ZEB1: variants seen among roughly 807,000 people sequenced by gnomAD.
The protein encoded by ZEB1 is zinc finger E-box binding homeobox 1.
ZEB1 carries 21 observed loss-of-function variants against 84.9 expected under a neutral mutation model. The ratio of observed to expected loss-of-function variants is 0.25; its 90% CI spans 0.18 to 0.36. The LOEUF is 0.36. ZEB1 is among the 10% of genes least tolerant of loss of function. The probability of loss-of-function intolerance (pLI) is 1.00; values close to 1 mark genes in which losing one functional copy is unlikely to be tolerated. For synonymous variants in ZEB1, 420 were observed against 471.1 expected, an observed-to-expected ratio of 0.89 and a Z score of 1.41; for missense variants, 1,104 against 1,330.2, an observed-to-expected ratio of 0.83 and a Z score of 2.65.
chr10:31,463,116 TG>T (rs2061999296), intron 2 of ZEB1, among the ~76,000 whole-genome samples: 1 of 152,122 alleles, frequency 6.6e-6, no homozygotes, highest in Non-Finnish European at 1.5e-5. Flanking sequence ...TTCTTATCTG[TG>T]GCCTGAATTA....
At chr10:31,337,690 T>G (rs989860713) in intron 1 of ZEB1, among the ~76,000 whole-genome samples, 1 of 144,274 alleles carries the variant, frequency 6.9e-6, no homozygotes, top group Admixed American at 6.8e-5. Flanking sequence ...TCTGTTTTTT[T>G]TTTTTTTTTT....
intron 2 of ZEB1, among the ~76,000 whole-genome samples, chr10:31,472,070 A>C (rs2063341326): frequency 6.6e-6 from 1 of 150,642 alleles, no homozygotes; most frequent in African/African-American, 2.5e-5. Flanking sequence ...CAGTGTGTAG[A>C]GGGAAATTTA....
intron 1 of ZEB1, among the ~76,000 whole-genome samples, chr10:31,432,746 A>G (rs1366252458): frequency 6.6e-6 from 1 of 152,196 alleles, no homozygotes; most frequent in Non-Finnish European, 1.5e-5. Flanking sequence ...ATATTTACTG[A>G]TATTTACAGC....
At chr10:31,332,175 A>T (rs1301855988) in intron 1 of ZEB1, among the ~76,000 whole-genome samples, 1 of 152,204 alleles carries the variant, frequency 6.6e-6, no homozygotes, top group Non-Finnish European at 1.5e-5. Context: ...TGCCACTACC[A>T]CTTCTACCAC....
intron 1 of ZEB1, chr10:31,321,083 G>A (rs1211131854): frequency 1.0e-6 from 1 of 954,182 alleles, no homozygotes; most frequent in East Asian, 1.0e-4. Context: ...TACGTGTTTA[G>A]GAGAAAACTC....
rs11008468 is a variant in ZEB1 at position 31,352,605 on chromosome 10, C to G, written c.58+33313C>G. On this transcript the variant is annotated intron_variant, in intron 1 of 8. Coordinates refer to ENST00000424869, the MANE Select transcript of ZEB1 (RefSeq NM_001174096.2). ...GGGCAGTCCACAGTGGCCTCACTTA[C>G]ATAGCTGGCAGTGGATGCAGGCTGC... Among the ~76,000 whole-genome samples the G allele has an allele frequency of 7.9e-3, 1,197 of 152,268 alleles. 13 individuals are homozygous for G. Among genetic ancestry groups the G allele is most frequent in the African/African-American group, 0.028 (1,151 of 41,546 alleles).
chr10:31,405,962 C>A (rs776063604), intron 1 of ZEB1, among the ~76,000 whole-genome samples: 4 of 152,040 alleles, frequency 2.6e-5, no homozygotes, highest in Non-Finnish European at 5.9e-5. Flanking sequence ...TCTGTTCCTG[C>A]GTTAGTTTGC....
At position 31,521,954 on chromosome 10, in the gene ZEB1, T is replaced by A. The variant is rs2072508047; in HGVS notation, c.2604+18T>A. On this transcript the variant is annotated intron_variant, in intron 7 of 8. Transcript: ENST00000424869. ...GAAATCAGGTAAAAAATAACCTCCA[T>A]CCTGAACCTGGCTAGTAATATGCTA... 5 of 1,613,912 alleles carry A rather than the reference T, an allele frequency of 3.1e-6. No individual in the cohort carries two copies. The highest frequency in any genetic ancestry group is 4.2e-6 in the Non-Finnish European group (5 of 1,179,914).
chr10:31,374,558 A>C (rs1389567005), intron 1 of ZEB1, among the ~76,000 whole-genome samples: 1 of 151,756 alleles, frequency 6.6e-6, no homozygotes, highest in African/African-American at 2.4e-5. Flanking sequence ...AGTGTAGATA[A>C]TAATTACACA....
At chr10:31,446,802 T>C (rs975826952) in intron 1 of ZEB1, among the ~76,000 whole-genome samples, 48 of 151,038 alleles carry the variant, frequency 3.2e-4, no homozygotes, top group African/African-American at 1.1e-3. Context: ...TTCTGTTCTT[T>C]TACATTTGCT....
intron 1 of ZEB1, among the ~76,000 whole-genome samples, chr10:31,370,701 T>C (rs2045542812): frequency 1.3e-5 from 2 of 152,202 alleles, no homozygotes; most frequent in African/African-American, 2.4e-5. Context: ...CCTAATAAAA[T>C]TGTATCTCTT....
intron 4 of ZEB1, among the ~76,000 whole-genome samples, chr10:31,506,745 A>C (rs1182056718): frequency 6.6e-6 from 1 of 152,076 alleles, no homozygotes; most frequent in African/African-American, 2.4e-5. Context: ...TGGAAAGTTT[A>C]ATCCGTTTAT....
At chr10:31,476,660 C>T (rs2064240751) in intron 2 of ZEB1, among the ~76,000 whole-genome samples, 1 of 151,910 alleles carries the variant, frequency 6.6e-6, no homozygotes, top group Non-Finnish European at 1.5e-5. Flanking sequence ...CAATCCTCAA[C>T]AAAATTCTAG....
At position 31,495,667 on chromosome 10, in the gene ZEB1, T is replaced by C. The variant is rs946541940; in HGVS notation, c.260-109T>C. ...GTGATATTTTGATACATGTATACAA[T>C]GTGTAATGATCAGATCAGAGTAATT... On this transcript the variant is annotated intron_variant, in intron 2 of 8. Transcript: ENST00000424869. The C allele has an allele frequency of 2.7e-5, 28 of 1,056,508 alleles. No homozygotes were observed. In the East Asian group the frequency reaches 5.3e-4, roughly 20 times the overall value. 65.4% of individuals were successfully genotyped at this position (1,056,508 alleles called of 1,614,324 possible). A position where few individuals can be genotyped will look rare whatever the true frequency, so the allele number is the denominator to read the frequency against.
Position 31,527,536 on chromosome 10 carries a change from A to G in ZEB1, c.*272A>G. ...AGTTAGGAACAAGTTTGTAACATGC[A>G]GCAGATTAGAAAACCTTAATGACTC... On this transcript the variant is annotated 3_prime_UTR_variant, in exon 9 of 9. Transcript: ENST00000424869. 2.2e-6 allele frequency: 1 copy of G among 455,074 alleles called. No homozygotes were observed. The highest frequency in any genetic ancestry group is 3.9e-6 in the Non-Finnish European group (1 of 254,282). 28.2% of individuals were successfully genotyped at this position (455,074 alleles called of 1,614,324 possible). A position where few individuals can be genotyped will look rare whatever the true frequency, so the allele number is the denominator to read the frequency against.
At chr10:31,502,249 A>C in intron 3 of ZEB1, 99 bp from the exon 4 acceptor site, 1 of 1,224,854 alleles carries the variant, frequency 8.2e-7, no homozygotes, top group African/African-American at 1.5e-5. Context: ...ATTCAAGAAC[A>C]ATCATATGTT....
In ZEB1 at chr10:31,520,718, T is replaced by G; in HGVS notation, c.1386T>G (p.Ser462Arg). The change falls in exon 7 of 9, where the codon AGT becomes AGG. Residue 462 changes from serine to arginine, a missense_variant. Physicochemically the swap from Ser to Arg is moderately radical, Grantham distance 110. Coordinates refer to ENST00000424869, the MANE Select transcript of ZEB1 (RefSeq NM_001174096.2). This position sits in a 1 kb window ranked among gnomAD's most constrained non-coding sequence, Gnocchi z 5.1. The stretch of plus-strand genomic sequence containing the variant: ...GCCATTCTGTTATTTCAGCCATCAG[T>G]CTTCCTTTGGTTGATCAAGATGGAA... ...QGGHSVISAI[S>R]LPLVDQDGTT... is the part of the protein sequence containing the mutation. 6.2e-7 allele frequency: 1 copy of G among 1,614,110 alleles called. No homozygotes were observed. The highest frequency in any genetic ancestry group is 8.5e-7 in the Non-Finnish European group (1 of 1,179,996).
At chr10:31,400,412 A>G (rs2051741301) in intron 1 of ZEB1, among the ~76,000 whole-genome samples, 1 of 152,176 alleles carries the variant, frequency 6.6e-6, no homozygotes, top group Non-Finnish European at 1.5e-5. Context: ...AGGTATTAGA[A>G]ATATGACTGT....
intron 1 of ZEB1, among the ~76,000 whole-genome samples, chr10:31,326,475 GAATA>G (rs1373451876): frequency 6.6e-6 from 1 of 152,096 alleles, no homozygotes; most frequent in African/African-American, 2.4e-5. Context: ...AACTTTATAT[GAATA>G]AATATTCATT....
Sources: gnomAD v4.1 joint callset for allele counts (sites outside exome capture counted in the v4.1 genomes callset) on GRCh38, gnomAD v4.1.1 for gene constraint, Gnocchi (gnomAD v3.1) non-coding constraint, MANE v1.5 for transcripts, NCBI Gene and HGNC (gene_info 2026-07-23, HGNC 2026-07-21) for gene names.